The following MT1G variants were observed in gnomAD, a reference collection of about 807,000 sequenced individuals.
The protein encoded by MT1G is metallothionein 1G, also known as metallothionein-1G.
MT1G carries 8 observed loss-of-function variants against 9.1 expected under a neutral mutation model. That is an observed-to-expected ratio of 0.87 (90% CI 0.51 to 1.58). The LOEUF is 1.58. MT1G is among the 40% of genes most tolerant of loss of function. The pLI is 0.00. For missense variants in MT1G, 79 were observed against 77.3 expected (o/e 1.02, Z -0.08); for synonymous variants, 31 against 28.4 (o/e 1.09, Z -0.29).
At chr16:56,667,403 A>G (rs2298846) in intron 1 of MT1G, 23 bp from the exon 2 acceptor site, 72,605 of 1,608,418 alleles carry the variant, frequency 0.045, 2,068 homozygotes, top group Admixed American at 0.11. Context: ...AAGCCAGTGA[A>G]CGGTGAGTGA....
Position 56,666,746 on chromosome 16 carries a change from T to A in MT1G, c.*133A>T, listed in dbSNP as rs772329326. On this transcript the variant is annotated 3_prime_UTR_variant, in exon 3 of 3. Coordinates refer to ENST00000379811, the MANE Select transcript of MT1G (RefSeq NM_001301267.2). ...AACCAGAACGGGAATCAAGTCTAAG[T>A]GTTTAATTATTATTCACATATTTCA... is the stretch of plus-strand genomic sequence containing the variant. The A allele has an allele frequency of 1.5e-6, 2 of 1,330,588 alleles. No homozygotes were observed. The highest frequency in any genetic ancestry group is 2.0e-6 in the Non-Finnish European group (2 of 984,344). The allele number at this position is 1,330,588 out of a possible 1,614,324, so 82.4% of individuals were successfully genotyped here.
In MT1G at chr16:56,666,939, G is replaced by A. The variant is rs763946381; in HGVS notation, c.129C>T (p.Ala43=). Residue 43 remains alanine (A), a synonymous_variant, in exon 3 of 3, where the codon GCC becomes GCT. Transcript: ENST00000379811. Reference sequence around the variant, plus strand: ...TGCAGATGCAGCCCTGGGCACACTTGGCACAGCCCACAGGGCAGCAGGAGC... The same window carrying A: ...TGCAGATGCAGCCCTGGGCACACTTAGCACAGCCCACAGGGCAGCAGGAGC... ...SCCSCCPVGC[A]KCAQGCICKG... The A allele has an allele frequency of 3.7e-6, 6 of 1,614,044 alleles. No homozygotes were observed. The East Asian group carries it at 6.7e-5, about 18-fold the overall frequency.
intron 1 of MT1G, 43 bp from the exon 2 acceptor site, chr16:56,667,423 G>A: frequency 1.2e-6 from 2 of 1,613,492 alleles, no homozygotes; most frequent in Non-Finnish European, 1.7e-6. Flanking sequence ...AGATGCAGAA[G>A]GTACAGCAGT....
chr16:56,667,918 T>G, intron 1 of MT1G, 48 bp downstream of exon 1: 1 of 1,609,534 alleles, frequency 6.2e-7, no homozygotes, highest in Non-Finnish European at 8.5e-7. Context: ...CTCTCTATGG[T>G]GTCTGGGAAT....
At chr16:56,667,664 G>A (rs1466543171) in intron 1 of MT1G, among the ~76,000 whole-genome samples, 3 of 151,634 alleles carry the variant, frequency 2.0e-5, no homozygotes, top group Middle Eastern at 3.4e-3. Flanking sequence ...CCTATCCAAT[G>A]TCTCCTATCC....
intron 1 of MT1G, 78 bp downstream of exon 1, chr16:56,667,888 C>T: frequency 6.5e-7 from 1 of 1,547,556 alleles, no homozygotes; most frequent in Non-Finnish European, 8.9e-7. Flanking sequence ...CAAAATACGA[C>T]CTCCTCAAAC....
At chr16:56,667,482 A>C (rs1960801658) in intron 1 of MT1G, 102 bp from the exon 2 acceptor site, 10 of 1,507,696 alleles carry the variant, frequency 6.6e-6, no homozygotes, top group Admixed American at 1.9e-5. Context: ...GCCAGCCCTC[A>C]GAGCTCCTTT....
intron 1 of MT1G, 51 bp downstream of exon 1, chr16:56,667,915 T>C (rs12448654): frequency 0.13 from 212,988 of 1,606,400 alleles, 14,989 homozygotes; most frequent in Non-Finnish European, 0.14. Flanking sequence ...ACACTCTCTA[T>C]GGTGTCTGGG....
intron 2 of MT1G, 124 bp downstream of exon 2, chr16:56,667,188 G>T (rs937064352): frequency 1.3e-6 from 2 of 1,579,368 alleles, no homozygotes; most frequent in African/African-American, 2.7e-5. Context: ...GACTAGACAG[G>T]CAGTGACAAC....
At chr16:56,667,240 T>A (rs1567353761) in intron 2 of MT1G, 72 bp downstream of exon 2, 2 of 1,613,552 alleles carry the variant, frequency 1.2e-6, no homozygotes, top group Non-Finnish European at 1.7e-6. Flanking sequence ...AAGCACGCAC[T>A]CAGGGACAGC....
intron 1 of MT1G, 88 bp from the exon 2 acceptor site, chr16:56,667,468 CAG>C: frequency 6.4e-7 from 1 of 1,558,346 alleles, no homozygotes; most frequent in Non-Finnish European, 8.8e-7. Flanking sequence ...CTTCTCTGTG[CAG>C]AGCCAGCCCT....
Position 56,667,365 on chromosome 16 carries a change from G to C in MT1G, c.44C>G (p.Thr15Ser). Reference sequence around the variant, plus strand: ...TTTGCACTTGCAGGAGCTGGCGCAGGTGCAGGAGACACCTGCTAGAAGAGA... The same window carrying C: ...TTTGCACTTGCAGGAGCTGGCGCAGCTGCAGGAGACACCTGCTAGAAGAGA... ...CSCAAAGVSCTCASSCKCKEC... is the reference protein window; with the variant it reads ...CSCAAAGVSCSCASSCKCKEC... Residue 15 changes from threonine to serine, a missense_variant, in exon 2 of 3, where the codon ACC becomes AGC. Physicochemically the swap from Thr to Ser is moderately conservative, Grantham distance 58. Coordinates refer to ENST00000379811, the MANE Select transcript of MT1G (RefSeq NM_001301267.2). The C allele has an allele frequency of 6.2e-7, 1 of 1,614,252 alleles. No homozygotes were observed. Among genetic ancestry groups the C allele is most frequent in the Non-Finnish European group, 8.5e-7 (1 of 1,180,044 alleles).
Position 56,667,346 on chromosome 16 carries a change from C to T in MT1G, c.63G>A (p.Lys21=), listed in dbSNP as rs1278868390. 2.5e-6 allele frequency: 4 copies of T among 1,614,156 alleles called. No homozygotes were observed. The highest frequency in any genetic ancestry group is 3.4e-6 in the Non-Finnish European group (4 of 1,180,054). Residue 21 remains lysine (K), a synonymous_variant, in exon 2 of 3, where the codon AAG becomes AAA. Coordinates refer to ENST00000379811, the MANE Select transcript of MT1G (RefSeq NM_001301267.2). ...GVSCTCASSC[K]CKECKCTSCK... The stretch of plus-strand genomic sequence containing the variant: ...AGGAGGTGCATTTGCACTCTTTGCA[C>T]TTGCAGGAGCTGGCGCAGGTGCAGG...
intron 2 of MT1G, 43 bp downstream of exon 2, chr16:56,667,269 C>T (rs1052003664): frequency 6.2e-6 from 10 of 1,614,242 alleles, no homozygotes; most frequent in Middle Eastern, 3.3e-4. Flanking sequence ...CCCTCCCAAC[C>T]TTAGCCACAG....
chr16:56,667,475 A>C, intron 1 of MT1G, 95 bp from the exon 2 acceptor site: 1 of 1,521,098 alleles, frequency 6.6e-7, no homozygotes, highest in Non-Finnish European at 9.0e-7. Context: ...GTGCAGAGCC[A>C]GCCCTCAGAG....
In MT1G at chr16:56,666,890, A is replaced by G. The variant is rs751839849; in HGVS notation, c.178T>C (p.Cys60Arg). The change falls in exon 3 of 3, where the codon TGC becomes CGC. Residue 60 changes from cysteine (C) to arginine (R), a missense_variant. Transcript: ENST00000379811. ...GGGCTGTCCCGACATCAGGCGCAGC[A>G]GCTGCACTTCTCCGATGCCCCTTTG... The part of the protein sequence containing the change: ...ICKGASEKCS[C>R]CA 11 of 1,614,278 alleles carry G rather than the reference A, an allele frequency of 6.8e-6. No individual in the cohort carries two copies. The highest frequency in any genetic ancestry group is 1.7e-4 in the Middle Eastern group (1 of 6,060).
In MT1G at chr16:56,667,346, C is replaced by A. The variant is rs1278868390; in HGVS notation, c.63G>T (p.Lys21Asn). The A allele has an allele frequency of 1.2e-6, 2 of 1,614,156 alleles. No individual in the cohort carries two copies. Among genetic ancestry groups the A allele is most frequent in the Non-Finnish European group, 1.7e-6 (2 of 1,180,054 alleles). ...AGGAGGTGCATTTGCACTCTTTGCA[C>A]TTGCAGGAGCTGGCGCAGGTGCAGG... Reference protein sequence around the residue: ...GVSCTCASSCKCKECKCTSCK... With the variant: ...GVSCTCASSCNCKECKCTSCK... The change falls in exon 2 of 3, where the codon AAG becomes AAT. Residue 21 changes from lysine to asparagine, a missense_variant. Transcript: ENST00000379811.
chr16:56,667,446 G>A, intron 1 of MT1G, 66 bp from the exon 2 acceptor site: 4 of 1,601,158 alleles, frequency 2.5e-6, no homozygotes, highest in Non-Finnish European at 3.4e-6. Flanking sequence ...GTCAATGAGT[G>A]TCCACTTCCC....
At position 56,666,777 on chromosome 16, in the gene MT1G, A is replaced by C; in HGVS notation, c.*102T>G. 6.7e-7 allele frequency: 1 copy of C among 1,490,186 alleles called. No individual in the cohort carries two copies. Among genetic ancestry groups the C allele is most frequent in the Non-Finnish European group, 9.0e-7 (1 of 1,108,436 alleles). The allele number at this position is 1,490,186 out of a possible 1,614,324, so 92.3% of individuals were successfully genotyped here. On this transcript the variant is annotated 3_prime_UTR_variant, in exon 3 of 3. Transcript: ENST00000379811. The stretch of plus-strand genomic sequence containing the variant: ...ATTATTATTCACATATTTCACAGAA[A>C]AAAAGGAATGTAGCAAAGGGGTCAA...
Sources: gnomAD v4.1 joint callset for allele counts (sites outside exome capture counted in the v4.1 genomes callset) on GRCh38, gnomAD v4.1.1 for gene constraint, MANE v1.5 for transcripts, NCBI Gene and HGNC (gene_info 2026-07-23, HGNC 2026-07-21) for gene names.